Variants in VWA5B2 observed in about 807,000 individuals in gnomAD.
VWA5B2 encodes von Willebrand factor A domain containing 5B2.
In VWA5B2, 93 loss-of-function variants were observed where a neutral mutation model predicts 118.5. The ratio of observed to expected loss-of-function variants is 0.79; its 90% CI spans 0.66 to 0.93. The LOEUF (loss-of-function observed/expected upper bound fraction) is 0.93. Among genes scored for constraint, VWA5B2 ranks in the 40% least tolerant of loss-of-function variants. VWA5B2 has a pLI of 0.00. For missense variants in VWA5B2, 1,546 were observed against 1,672.8 expected, an observed-to-expected ratio of 0.92 and a Z score of 1.32; for synonymous variants, 708 against 716.3, an observed-to-expected ratio of 0.99 and a Z score of 0.19.
rs944998902 is a variant in VWA5B2, at chr3:184,241,698, C to T, written c.3389C>T (p.Pro1130Leu). The part of the protein sequence containing the change: ...DSATASCSPS[P>L]SSGSEGPGQV... ...GCCACGGCCTCCTGCAGCCCGTCCC[C>T]CAGCTCGGGCTCTGAGGGGCCAGGC... The change falls in exon 20 of 20, where the codon CCC becomes CTC. Residue 1130 changes from proline (P) to leucine (L), a missense_variant. Around this residue, in one of 3 missense-constraint regions of VWA5B2, gnomAD observed 763 missense variants for 766.6 expected, o/e 1.00. Coordinates refer to ENST00000691901, the MANE Select transcript of VWA5B2 (RefSeq NM_001390846.1). The surrounding 1 kb of genome is among the most constrained non-coding windows in gnomAD (Gnocchi z 5.1). 3.3e-6 allele frequency: 5 copies of T among 1,514,218 alleles called. No individual in the cohort carries two copies. In the African/African-American group the frequency reaches 5.5e-5, roughly 17 times the overall value. The allele number at this position is 1,514,218 out of a possible 1,614,324, so 93.8% of individuals were successfully genotyped here. A position where few individuals can be genotyped will look rare whatever the true frequency, so the allele number is the denominator to read the frequency against.
At chr3:184,232,295 G>T (rs1247801238) in intron 3 of VWA5B2, among the ~76,000 whole-genome samples, 1 of 152,244 alleles carries the variant, frequency 6.6e-6, no homozygotes, top group South Asian at 2.1e-4. Flanking sequence ...GAGGAAACAG[G>T]CTCCTCAGAA....
rs1185133278 is a variant in VWA5B2 at position 184,238,007 on chromosome 3, G to T, written c.1720-296G>T. On this transcript the variant is annotated intron_variant, in intron 12 of 19. Transcript: ENST00000691901. The surrounding 1 kb of genome is among the most constrained non-coding windows in gnomAD (Gnocchi z 5.0). ...CATGGTAGTTATTTTTTAATGAAAAGCTTTATCTCTTTAGAAGAACTCTGC... is the reference window on the plus strand; with the variant it reads ...CATGGTAGTTATTTTTTAATGAAAATCTTTATCTCTTTAGAAGAACTCTGC... Among the ~76,000 whole-genome samples the T allele has an allele frequency of 6.6e-6, 1 of 152,106 alleles. No homozygotes were observed. The highest frequency in any genetic ancestry group is 1.9e-4 in the East Asian group (1 of 5,200).
At position 184,241,158 on chromosome 3, in the gene VWA5B2, C is replaced by T. The variant is rs1392232966; in HGVS notation, c.2963-29C>T. On this transcript the variant is annotated intron_variant, in intron 18 of 19. Coordinates refer to ENST00000691901, the MANE Select transcript of VWA5B2 (RefSeq NM_001390846.1). This position sits in a 1 kb window ranked among gnomAD's most constrained non-coding sequence, Gnocchi z 5.1. ...TAGGGGCACTTGGGCTTAGAGACCG[C>T]CCCCTGGCACTGATGATCCCCACTG... The T allele has an allele frequency of 9.7e-6, 15 of 1,550,970 alleles. No individual in the cohort carries two copies. Among genetic ancestry groups the T allele is most frequent in the Non-Finnish European group, 1.2e-5 (14 of 1,146,654 alleles).
chr3:184,235,626 G>A (rs530687998), intron 8 of VWA5B2, among the ~76,000 whole-genome samples: 2 of 151,462 alleles, frequency 1.3e-5, no homozygotes, highest in East Asian at 3.9e-4. Context: ...AGTTTCATGT[G>A]TACCTCCAGA....
rs1718796357 is a variant in VWA5B2, at chr3:184,242,121, G to C, written c.*83G>C. 6.7e-7 allele frequency: 1 copy of C among 1,483,828 alleles called. No homozygotes were observed. The highest frequency in any genetic ancestry group is 9.0e-7 in the Non-Finnish European group (1 of 1,106,102). 91.9% of individuals were successfully genotyped at this position (1,483,828 alleles called of 1,614,324 possible). A position where few individuals can be genotyped will look rare whatever the true frequency, so the allele number is the denominator to read the frequency against. On this transcript the variant is annotated 3_prime_UTR_variant, in exon 20 of 20. Coordinates refer to ENST00000691901, the MANE Select transcript of VWA5B2 (RefSeq NM_001390846.1). ...CCCAGGGCTGGCCTCTTGGTGCTGG[G>C]AAAGTGTAGGCTGGTGCCAGCCTGT... is the stretch of plus-strand genomic sequence containing the variant.
intron 7 of VWA5B2, 80 bp downstream of exon 7, chr3:184,234,835 GAAT>G (rs1163839596): frequency 6.5e-7 from 1 of 1,537,236 alleles, no homozygotes; most frequent in Non-Finnish European, 8.8e-7. Flanking sequence ...GCTTACATTG[GAAT>G]GGGTGCGGGG....
intron 3 of VWA5B2, among the ~76,000 whole-genome samples, chr3:184,231,988 A>T (rs1717441615): frequency 6.6e-6 from 1 of 152,234 alleles, no homozygotes; most frequent in African/African-American, 2.4e-5. Context: ...TAGGGGCAAC[A>T]GTATAAGCAA....
Position 184,233,703 on chromosome 3 carries a change from A to G in VWA5B2, c.658A>G (p.Met220Val). 6.4e-7 allele frequency: 1 copy of G among 1,550,922 alleles called. No homozygotes were observed. Among genetic ancestry groups the G allele is most frequent in the Non-Finnish European group, 8.7e-7 (1 of 1,146,980 alleles). ...TGCCCCATATACCTTCTCCTTCGAG[A>G]TGCTGGTGACTGGGCCATGCCTGCT... ...CPAPYTFSFEMLVTGPCLLAG... is the reference protein window; with the variant it reads ...CPAPYTFSFEVLVTGPCLLAG... Residue 220 changes from methionine to valine, a missense_variant, in exon 5 of 20, where the codon ATG becomes GTG. Transcript: ENST00000691901. The surrounding 1 kb of genome is among the most constrained non-coding windows in gnomAD (Gnocchi z 5.2).
In VWA5B2 at chr3:184,236,678, C is replaced by T. The variant is rs1471753184; in HGVS notation, c.1462C>T (p.Leu488Phe). The change falls in exon 11 of 20, where the codon CTC (leucine) becomes TTC (phenylalanine). Residue 488 changes from leucine to phenylalanine, a missense_variant. Around this residue, in one of 3 missense-constraint regions of VWA5B2, gnomAD observed 775 missense variants for 882.3 expected, o/e 0.88. Coordinates refer to ENST00000691901, the MANE Select transcript of VWA5B2 (RefSeq NM_001390846.1). ...GCTGGGGCCCACCTGCCACCAGCTGCTCCAGGGTTTATCTGCCCTCAGCAG... is the reference window on the plus strand; with the variant it reads ...GCTGGGGCCCACCTGCCACCAGCTGTTCCAGGGTTTATCTGCCCTCAGCAG... ...FGLGPTCHQL[L>F]QGLSALSRGQ... 2 of 1,551,468 alleles carry T rather than the reference C, an allele frequency of 1.3e-6. No homozygotes were observed. Among genetic ancestry groups the T allele is most frequent in the Non-Finnish European group, 1.7e-6 (2 of 1,146,776 alleles).
In VWA5B2 at chr3:184,241,449, C is replaced by T. The variant is rs1226556323; in HGVS notation, c.3181-41C>T. ...AGGGTGGTGCCGCCGGGGCCGGGCG[C>T]TGTTTCAGCTCGCTTCTCCCCCCAC... On this transcript the variant is annotated intron_variant, in intron 19 of 19. Transcript: ENST00000691901. This position sits in a 1 kb window ranked among gnomAD's most constrained non-coding sequence, Gnocchi z 5.1. The T allele has an allele frequency of 3.2e-6, 5 of 1,561,498 alleles. No homozygotes were observed. Among genetic ancestry groups the T allele is most frequent in the Non-Finnish European group, 4.3e-6 (5 of 1,151,552 alleles).
At position 184,240,860 on chromosome 3, in the gene VWA5B2, C is replaced by G. The variant is rs972840876; in HGVS notation, c.2810C>G (p.Thr937Ser). The part of the protein sequence containing the change: ...SKVSSAPSCF[T>S]CPVAVDATTR... ...GTCAGCTCTGCCCCCTCCTGCTTCACTTGCCCTGTAGCTGTGGATGCTACT... is the reference window on the plus strand; with the variant it reads ...GTCAGCTCTGCCCCCTCCTGCTTCAGTTGCCCTGTAGCTGTGGATGCTACT... The change falls in exon 17 of 20, where the codon ACT (threonine) becomes AGT (serine). Residue 937 changes from threonine (T) to serine (S), a missense_variant. Around this residue, in one of 3 missense-constraint regions of VWA5B2, gnomAD observed 763 missense variants for 766.6 expected, o/e 1.00. Transcript: ENST00000691901. 10 of 1,551,610 alleles carry G rather than the reference C, an allele frequency of 6.4e-6. No individual in the cohort carries two copies. In the Admixed American group the frequency reaches 1.2e-4, roughly 18 times the overall value.
chr3:184,233,534 C>G lies in VWA5B2; in HGVS notation c.531-42C>G, dbSNP rs1407033640. 1 of 1,541,164 alleles carries G rather than the reference C, an allele frequency of 6.5e-7. No individual in the cohort carries two copies. ...GCCAGTCAGCCGGAGGGTTTAGGGG[C>G]CTTCACAGTGGCCCAGTGACCCTCC... is the stretch of plus-strand genomic sequence containing the variant. On this transcript the variant is annotated intron_variant, in intron 4 of 19. Transcript: ENST00000691901. This position sits in a 1 kb window ranked among gnomAD's most constrained non-coding sequence, Gnocchi z 5.2.
rs1407080120 is a variant in VWA5B2, at chr3:184,242,280, G to A, written c.*242G>A. On this transcript the variant is annotated 3_prime_UTR_variant, in exon 20 of 20. Coordinates refer to ENST00000691901, the MANE Select transcript of VWA5B2 (RefSeq NM_001390846.1). ...TGAGCTCCCTGCAACACAGTGGAAG[G>A]GTAGAGAGCCACAGTCCCCAAATCC... is the stretch of plus-strand genomic sequence containing the variant. 1.4e-6 allele frequency: 1 copy of A among 739,280 alleles called. No homozygotes were observed. The highest frequency in any genetic ancestry group is 2.1e-5 in the Admixed American group (1 of 47,848). 45.8% of individuals were successfully genotyped at this position (739,280 alleles called of 1,614,324 possible).
At chr3:184,234,160 T>C (rs1235129042) in intron 5 of VWA5B2, 106 bp from the exon 6 acceptor site, 1 of 1,398,284 alleles carries the variant, frequency 7.2e-7, no homozygotes, top group East Asian at 2.5e-5. Context: ...CCCATATAGA[T>C]CAGACTCTGA....
Position 184,242,307 on chromosome 3 carries a change from A to G in VWA5B2, c.*269A>G. 1.3e-6 allele frequency: 1 copy of G among 768,588 alleles called. No homozygotes were observed. The highest frequency in any genetic ancestry group is 2.7e-5 in the East Asian group (1 of 37,140). The allele number at this position is 768,588 out of a possible 1,614,324, so 47.6% of individuals were successfully genotyped here. A position where few individuals can be genotyped will look rare whatever the true frequency, so the allele number is the denominator to read the frequency against. ...TAGAGAGCCACAGTCCCCAAATCCT[A>G]TGCAATAAAGTGCCTCTTAGGACTG... On this transcript the variant is annotated 3_prime_UTR_variant, in exon 20 of 20. Coordinates refer to ENST00000691901, the MANE Select transcript of VWA5B2 (RefSeq NM_001390846.1).
Position 184,241,893 on chromosome 3 carries a change from A to AT in VWA5B2, c.3586dup (p.Cys1196LeufsTer10). 1 of 1,547,684 alleles carries AT rather than the reference A, an allele frequency of 6.5e-7. No homozygotes were observed. The highest frequency in any genetic ancestry group is 8.7e-7 in the Non-Finnish European group (1 of 1,146,794). ...TGGGAACTGACAGCGGCCAAGGCTG[A>AT]TTGCTGGCTGCGGGCCCAGCACTTG... On this transcript the variant is annotated frameshift_variant, in exon 20 of 20. Coordinates refer to ENST00000691901, the MANE Select transcript of VWA5B2 (RefSeq NM_001390846.1). LOFTEE classifies it high-confidence loss of function. This position sits in a 1 kb window ranked among gnomAD's most constrained non-coding sequence, Gnocchi z 5.1.
chr3:184,239,298 G>C lies in VWA5B2; in HGVS notation c.2203-96G>C. The C allele has an allele frequency of 7.4e-7, 1 of 1,343,894 alleles. No individual in the cohort carries two copies. The highest frequency in any genetic ancestry group is 9.7e-7 in the Non-Finnish European group (1 of 1,027,780). The allele number at this position is 1,343,894 out of a possible 1,614,324, so 83.2% of individuals were successfully genotyped here. Reference sequence around the variant, plus strand: ...CTCAAGCTGGTGAGCGGCCACCCAGGGTTTCAGAAAAGGGGCATGGGCCAG... The same window carrying C: ...CTCAAGCTGGTGAGCGGCCACCCAGCGTTTCAGAAAAGGGGCATGGGCCAG... On this transcript the variant is annotated intron_variant, in intron 14 of 19. Coordinates refer to ENST00000691901, the MANE Select transcript of VWA5B2 (RefSeq NM_001390846.1). The surrounding 1 kb of genome is among the most constrained non-coding windows in gnomAD (Gnocchi z 5.1).
rs972375329 is a variant in VWA5B2 at position 184,234,689 on chromosome 3, G to A, written c.879G>A (p.Glu293=). 2 of 1,551,228 alleles carry A rather than the reference G, an allele frequency of 1.3e-6. No individual in the cohort carries two copies. The highest frequency in any genetic ancestry group is 2.0e-5 in the Admixed American group (1 of 50,982). Residue 293 remains glutamate, a synonymous_variant, in exon 7 of 20, where the codon GAG becomes GAA. Transcript: ENST00000691901. ...GCAGCCTGAGCTCAGCAGAATATGA[G>A]GCCCGGGTGAGGGCCCGCCGAGATT... ...EGGSLSSAEY[E]ARVRARRDFQ...
At position 184,233,092 on chromosome 3, in the gene VWA5B2, C is replaced by A; in HGVS notation, c.311-86C>A. ...CGCAAAGTCCCCCTTGCCCAGGCTC[C>A]CTGACCCAATGCCTGCTTCCACATC... On this transcript the variant is annotated intron_variant, in intron 3 of 19. Transcript: ENST00000691901. This position sits in a 1 kb window ranked among gnomAD's most constrained non-coding sequence, Gnocchi z 5.2. 1 of 1,308,212 alleles carries A rather than the reference C, an allele frequency of 7.6e-7. No individual in the cohort carries two copies. The highest frequency in any genetic ancestry group is 1.4e-5 in the South Asian group (1 of 70,240). The allele number at this position is 1,308,212 out of a possible 1,614,324, so 81.0% of individuals were successfully genotyped here. A position where few individuals can be genotyped will look rare whatever the true frequency, so the allele number is the denominator to read the frequency against.
Sources: allele counts gnomAD v4.1 joint callset (sites outside exome capture counted in the v4.1 genomes callset), GRCh38; gene constraint gnomAD v4.1.1; regional missense constraint gnomAD v4.1.1; non-coding constraint Gnocchi (gnomAD v3.1); transcripts MANE v1.5; gene names NCBI Gene and HGNC (gene_info 2026-07-23, HGNC 2026-07-21).